Variants in FRMPD4 observed in about 807,000 individuals in gnomAD.
FRMPD4 encodes FERM and PDZ domain-containing protein 4.
Under a neutral mutation model 94.1 loss-of-function variants are expected in FRMPD4, and 22 were observed. The observed-to-expected ratio is 0.23, with a 90% CI of 0.17 to 0.33. The LOEUF is 0.33. Among genes scored for constraint, FRMPD4 ranks in the 10% least tolerant of loss-of-function variants. FRMPD4 has a pLI of 1.00. For synonymous variants in FRMPD4, 631 were observed against 548.6 expected (o/e 1.15, Z -2.10); for missense variants, 1,111 against 1,339.9 (o/e 0.83, Z 2.67).
chrX:12,642,011 T>C, intron 4 of FRMPD4, among the ~76,000 whole-genome samples: 1 of 111,269 alleles, frequency 9.0e-6, no homozygotes, highest in Non-Finnish European at 1.9e-5. Flanking sequence ...ATGAGTCCTC[T>C]AAGGCAAGTA....
intron 1 of FRMPD4, among the ~76,000 whole-genome samples, chrX:12,200,438 A>T (rs1437332636): frequency 9.0e-6 from 1 of 111,687 alleles, no homozygotes; most frequent in Non-Finnish European, 1.9e-5. Flanking sequence ...GTCATTACAA[A>T]TCTGTATTAA....
chrX:12,167,425 T>C, intron 1 of FRMPD4, among the ~76,000 whole-genome samples: 1 of 111,839 alleles, frequency 8.9e-6, no homozygotes, highest in Non-Finnish European at 1.9e-5. Flanking sequence ...AGACAGTTTG[T>C]TATAATTTCT....
At chrX:12,235,399 T>G (rs1380944159) in intron 1 of FRMPD4, among the ~76,000 whole-genome samples, 1 of 112,329 alleles carries the variant, frequency 8.9e-6, no homozygotes, top group Non-Finnish European at 1.9e-5. Flanking sequence ...AAGACAGGTC[T>G]TCCAAGCTGC....
intron 1 of FRMPD4, among the ~76,000 whole-genome samples, chrX:12,479,433 TAC>T (rs1491290488): frequency 0.097 from 9,813 of 100,711 alleles, 531 homozygotes; most frequent in African/African-American, 0.17. Context: ...CGTATATATA[TAC>T]ACACATATAT....
intron 3 of FRMPD4, among the ~76,000 whole-genome samples, chrX:11,987,448 A>T (rs1893526465): frequency 9.0e-6 from 1 of 111,626 alleles, no homozygotes; most frequent in Non-Finnish European, 1.9e-5. Flanking sequence ...TGTATGGCAG[A>T]CTCACAGCTA....
At chrX:12,139,767 T>A (rs763537228) in intron 1 of FRMPD4, among the ~76,000 whole-genome samples, 6 of 111,615 alleles carry the variant, frequency 5.4e-5, no homozygotes, top group African/African-American at 2.0e-4. Context: ...TTCCAAAGTC[T>A]TCGTTTGAGC....
chrX:12,297,628 C>G (rs1211071940), intron 1 of FRMPD4, among the ~76,000 whole-genome samples: 1 of 110,959 alleles, frequency 9.0e-6, no homozygotes, highest in Non-Finnish European at 1.9e-5. Context: ...GGAGAGAAGG[C>G]AGAATTGTGG....
At chrX:12,628,518 T>C (rs748060566) in intron 4 of FRMPD4, among the ~76,000 whole-genome samples, 16 of 112,668 alleles carry the variant, frequency 1.4e-4, no homozygotes, top group Non-Finnish European at 2.4e-4. Context: ...GGACATAGAA[T>C]AGCCTCTGGG....
intron 2 of FRMPD4, among the ~76,000 whole-genome samples, chrX:12,562,324 T>C (rs73442802): frequency 0.014 from 1,596 of 112,776 alleles, 28 homozygotes; most frequent in African/African-American, 0.047. Context: ...TCACATGATA[T>C]AGTCAGCCTT....
chrX:12,609,877 A>T lies in FRMPD4; in HGVS notation c.315A>T (p.Thr105=). 8.3e-7 allele frequency: 1 copy of T among 1,208,319 alleles called. No individual in the cohort carries two copies. The highest frequency in any genetic ancestry group is 1.1e-6 in the Non-Finnish European group (1 of 892,711). ...SEKPVVVRSV[T]PGGPSEGKLI... is the part of the protein sequence containing the mutation. ...AGCCAGTGGTCGTTCGCTCAGTAAC[A>T]CCAGGTAAGCACCCAATCCCAGTTC... Residue 105 remains threonine, a synonymous_variant, in exon 3 of 17, where the codon ACA becomes ACT. Transcript: ENST00000675598.
rs893782968 is a variant in FRMPD4 at position 12,546,350 on chromosome X, G to A, written c.158+47554G>A. On this transcript the variant is annotated intron_variant, in intron 2 of 16. Transcript: ENST00000675598. Reference sequence around the variant, plus strand: ...GTGCCACCACACCCGGCTAATCTTTGTATTTTTCGTAGAGACCAGGTTTCA... The same window carrying A: ...GTGCCACCACACCCGGCTAATCTTTATATTTTTCGTAGAGACCAGGTTTCA... 6.3e-5 allele frequency among the ~76,000 whole-genome samples: 7 copies of A among 111,134 alleles called. 1 individual carries two copies. The highest frequency in any genetic ancestry group is 4.8e-4 in the Admixed American group (5 of 10,449).
intron 3 of FRMPD4, among the ~76,000 whole-genome samples, chrX:12,118,954 A>T (rs986284142): frequency 9.0e-6 from 1 of 111,084 alleles, no homozygotes; most frequent in Non-Finnish European, 1.9e-5. Flanking sequence ...AAGGGATCTC[A>T]AGGACTCCCA....
intron 2 of FRMPD4, among the ~76,000 whole-genome samples, chrX:12,519,777 A>G (rs1486008896): frequency 2.7e-5 from 3 of 112,533 alleles, no homozygotes; most frequent in Non-Finnish European, 5.6e-5. Context: ...AAGATGATAA[A>G]TGACCAACAA....
At position 11,912,148 on chromosome X, in the gene FRMPD4, A is replaced by G. The variant is rs372274410; in HGVS notation, c.95+34130A>G. On this transcript the variant is annotated intron_variant, in intron 3 of 18. Transcript: ENST00000640291. Reference sequence around the variant, plus strand: ...CAATTGAAGTTGGCAGCTGGAAGGGAAGCAAGCTTCTGTAAGCCACTCCCA... The same window carrying G: ...CAATTGAAGTTGGCAGCTGGAAGGGGAGCAAGCTTCTGTAAGCCACTCCCA... Among the ~76,000 whole-genome samples, 30 of 111,758 alleles carry G rather than the reference A, an allele frequency of 2.7e-4. No homozygotes were observed. The East Asian group carries it at 7.6e-3, about 28-fold the overall frequency.
chrX:12,158,785 T>C (rs1416223001), intron 1 of FRMPD4, among the ~76,000 whole-genome samples: 1 of 112,314 alleles, frequency 8.9e-6, no homozygotes, highest in Non-Finnish European at 1.9e-5. Flanking sequence ...CTGATCATTC[T>C]CATGCCTGTT....
At chrX:12,518,794 G>A (rs1427373992) in intron 2 of FRMPD4, among the ~76,000 whole-genome samples, 1 of 109,568 alleles carries the variant, frequency 9.1e-6, no homozygotes, top group Non-Finnish European at 1.9e-5. Flanking sequence ...GAGCTTATAT[G>A]TAGAAAACAC....
chrX:12,413,033 T>C (rs1245128456), intron 1 of FRMPD4, among the ~76,000 whole-genome samples: 2 of 111,131 alleles, frequency 1.8e-5, no homozygotes, highest in African/African-American at 6.5e-5. Context: ...TTATGGACAT[T>C]AATTTGTGCA....
chrX:12,072,477 A>G (rs2054977687), intron 3 of FRMPD4, among the ~76,000 whole-genome samples: 1 of 111,769 alleles, frequency 8.9e-6, no homozygotes, highest in South Asian at 3.7e-4. Flanking sequence ...GTCAAATAAC[A>G]TGGCTTTGTG....
At chrX:12,450,318 G>A (rs1166826581) in intron 1 of FRMPD4, among the ~76,000 whole-genome samples, 4 of 111,138 alleles carry the variant, frequency 3.6e-5, no homozygotes, top group Non-Finnish European at 7.6e-5. Flanking sequence ...TTAAAAAAAA[G>A]GGAAGTTGGG....
Sources: gnomAD v4.1 joint callset for allele counts (sites outside exome capture counted in the v4.1 genomes callset) on GRCh38, gnomAD v4.1.1 for gene constraint, MANE v1.5 for transcripts, NCBI Gene and HGNC (gene_info 2026-07-23, HGNC 2026-07-21) for gene names.